GLRA3: variants seen among roughly 807,000 people sequenced by gnomAD.
GLRA3 encodes glycine receptor alpha 3.
A neutral mutation model predicts 60.4 loss-of-function variants in GLRA3; 44 were observed. That is an observed-to-expected ratio of 0.73 (90% CI 0.57 to 0.94). The LOEUF (loss-of-function observed/expected upper bound fraction) is 0.94, where lower values mean the gene tolerates loss of function less well. Among genes scored for constraint, GLRA3 ranks in the 40% least tolerant of loss-of-function variants. The pLI, the probability that GLRA3 is intolerant of heterozygous loss-of-function variation, is 0.00. For synonymous variants in GLRA3, 223 were observed against 192.9 expected (o/e 1.16, Z -1.29); for missense variants, 508 against 564.6 (o/e 0.90, Z 1.02).
chr4:174,811,638 T>C (rs1011600625), intron 1 of GLRA3, among the ~76,000 whole-genome samples: 1 of 152,162 alleles, frequency 6.6e-6, no homozygotes, highest in African/African-American at 2.4e-5. Context: ...TTCTCTTTAC[T>C]AGCCTGGAAA....
intron 1 of GLRA3, among the ~76,000 whole-genome samples, chr4:174,792,846 G>A (rs142214851): frequency 2.0e-4 from 31 of 152,162 alleles, no homozygotes; most frequent in African/African-American, 7.2e-4. Flanking sequence ...AAAGAATAAG[G>A]CCTTAAAGGA....
At chr4:174,734,966 T>C (rs1736711581) in intron 3 of GLRA3, among the ~76,000 whole-genome samples, 1 of 152,210 alleles carries the variant, frequency 6.6e-6, no homozygotes, top group Non-Finnish European at 1.5e-5. Context: ...CCAGTACTCC[T>C]AGTAGCTGCT....
chr4:174,828,628 T>C, intron 1 of GLRA3, 113 bp downstream of exon 1: 2 of 692,756 alleles, frequency 2.9e-6, no homozygotes, highest in Non-Finnish European at 5.3e-6. Flanking sequence ...AATTGATTGT[T>C]TCAACAAGTC....
chr4:174,664,765 G>A (rs1733588764), intron 7 of GLRA3, among the ~76,000 whole-genome samples: 1 of 152,024 alleles, frequency 6.6e-6, no homozygotes, highest in African/African-American at 2.4e-5. Context: ...CTGTTTTATG[G>A]GGTATAAAGC....
intron 9 of GLRA3, among the ~76,000 whole-genome samples, chr4:174,651,437 C>G (rs1733018382): frequency 6.6e-6 from 1 of 152,044 alleles, no homozygotes; most frequent in Non-Finnish European, 1.5e-5. Context: ...AACCACCGGA[C>G]AAAGCACTCA....
chr4:174,741,241 TA>T (rs1187116042), intron 3 of GLRA3, among the ~76,000 whole-genome samples: 3 of 152,226 alleles, frequency 2.0e-5, no homozygotes, highest in African/African-American at 7.2e-5. Flanking sequence ...CAGTAATTAG[TA>T]AATTCAGATT....
At chr4:174,658,033 C>T (rs1439464858) in intron 8 of GLRA3, among the ~76,000 whole-genome samples, 1 of 152,000 alleles carries the variant, frequency 6.6e-6, no homozygotes, top group African/African-American at 2.4e-5. Context: ...AAGCTTAGTG[C>T]TTTTTAAAGA....
chr4:174,737,942 A>C (rs1322851985), intron 3 of GLRA3, among the ~76,000 whole-genome samples: 2 of 152,230 alleles, frequency 1.3e-5, no homozygotes, highest in Non-Finnish European at 2.9e-5. Context: ...TAACTATGAA[A>C]TGTGAGAGGT....
intron 8 of GLRA3, among the ~76,000 whole-genome samples, chr4:174,657,998 A>G (rs1241685687): frequency 6.6e-6 from 1 of 152,192 alleles, no homozygotes; most frequent in African/African-American, 2.4e-5. Context: ...TTTAATACTA[A>G]GTAGATTCAA....
chr4:174,696,421 C>T (rs531578285), intron 5 of GLRA3, among the ~76,000 whole-genome samples: 133 of 149,462 alleles, frequency 8.9e-4, no homozygotes, highest in African/African-American at 3.1e-3. Context: ...AAAGTTGAAA[C>T]GTGAATAACA....
At chr4:174,752,700 T>C (rs1005996927) in intron 3 of GLRA3, among the ~76,000 whole-genome samples, 2 of 152,188 alleles carry the variant, frequency 1.3e-5, no homozygotes, top group African/African-American at 2.4e-5. Flanking sequence ...TTAATATCCA[T>C]AGTAAAGTGA....
chr4:174,742,016 C>T (rs1737047244), intron 3 of GLRA3, among the ~76,000 whole-genome samples: 1 of 151,976 alleles, frequency 6.6e-6, no homozygotes, highest in Admixed American at 6.6e-5. Flanking sequence ...GCTAGAAATT[C>T]CCTAGCATGG....
At chr4:174,660,963 G>T (rs1253788838) in intron 7 of GLRA3, among the ~76,000 whole-genome samples, 1 of 152,102 alleles carries the variant, frequency 6.6e-6, no homozygotes, top group South Asian at 2.1e-4. Flanking sequence ...CATTATTTGA[G>T]CATTTCCTCA....
chr4:174,814,226 G>A (rs1740389505), intron 1 of GLRA3, among the ~76,000 whole-genome samples: 1 of 152,166 alleles, frequency 6.6e-6, no homozygotes, highest in African/African-American at 2.4e-5. Context: ...TGGCATCCAG[G>A]AAGAATCAGG....
chr4:174,808,238 A>G (rs1446474802), intron 1 of GLRA3, among the ~76,000 whole-genome samples: 1 of 152,162 alleles, frequency 6.6e-6, no homozygotes, highest in Non-Finnish European at 1.5e-5. Context: ...AGATGTATGG[A>G]TATACAGTCA....
intron 5 of GLRA3, among the ~76,000 whole-genome samples, chr4:174,708,135 A>C (rs1413615739): frequency 6.6e-6 from 1 of 152,208 alleles, no homozygotes; most frequent in Non-Finnish European, 1.5e-5. Context: ...CAAACAAAAA[A>C]CATAATATTA....
chr4:174,654,235 G>C (rs1348898965), intron 9 of GLRA3, among the ~76,000 whole-genome samples: 1 of 152,038 alleles, frequency 6.6e-6, no homozygotes. Flanking sequence ...TAGTATATAC[G>C]TACGTTTGTG....
At chr4:174,749,986 T>C (rs954360458) in intron 3 of GLRA3, among the ~76,000 whole-genome samples, 1 of 152,102 alleles carries the variant, frequency 6.6e-6, no homozygotes, top group African/African-American at 2.4e-5. Context: ...CAGAAGCAGC[T>C]CCTCCTCCCA....
At chr4:174,692,280 C>A (rs1579454557) in intron 5 of GLRA3, among the ~76,000 whole-genome samples, 1 of 140,268 alleles carries the variant, frequency 7.1e-6, no homozygotes. Context: ...GGGGTCAGCA[C>A]CCCACCCGGC....
Sources: allele counts gnomAD v4.1 joint callset (sites outside exome capture counted in the v4.1 genomes callset), GRCh38; gene constraint gnomAD v4.1.1; transcripts MANE v1.5; gene names NCBI Gene and HGNC (gene_info 2026-07-23, HGNC 2026-07-21).